Variants in MTO1 observed in about 807,000 individuals in gnomAD.
The protein encoded by MTO1 is mitochondrial tRNA translation optimization 1, also known as 5-taurinomethyluridine-[tRNA] synthase subunit MTO1, mitochondrial.
MTO1 carries 46 observed loss-of-function variants against 71.6 expected under a neutral mutation model. That is an observed-to-expected ratio of 0.64 (90% CI 0.51 to 0.82). MTO1 has a LOEUF of 0.82. Among genes scored for constraint, MTO1 ranks in the 40% least tolerant of loss-of-function variants. MTO1 has a pLI of 0.00. For missense variants in MTO1, 773 were observed against 867.5 expected (o/e 0.89, Z 1.37); for synonymous variants, 297 against 312.1 (o/e 0.95, Z 0.51).
chr6:73,487,560 T>G (rs1282482938), intron 9 of MTO1: 5 of 150,822 alleles, frequency 3.3e-5, no homozygotes, highest in East Asian at 1.9e-4. Context: ...CTGTGGGTTT[T>G]TTTTTTTTTT....
At chr6:73,468,148 G>A (rs1466103356) in intron 3 of MTO1, among the ~76,000 whole-genome samples, 2 of 151,634 alleles carry the variant, frequency 1.3e-5, no homozygotes, top group African/African-American at 4.8e-5. Flanking sequence ...GACAGAGTCT[G>A]GCTCTGTTGC....
At position 73,497,601 on chromosome 6, in the gene MTO1, C is replaced by T. The variant is rs1772024840; in HGVS notation, c.1757-135C>T. ...ATGTAAAAGGGAACACCTACCCAAC[C>T]CATCTCATGAAATGAGTGTTGAATG... On this transcript the variant is annotated intron_variant, in intron 10 of 11. Coordinates refer to ENST00000498286, the MANE Select transcript of MTO1 (RefSeq NM_012123.4). The T allele has an allele frequency of 5.0e-6, 4 of 802,110 alleles. No individual in the cohort carries two copies. The East Asian group carries it at 7.9e-5, about 16-fold the overall frequency. 49.7% of individuals were successfully genotyped at this position (802,110 alleles called of 1,614,324 possible).
At chr6:73,480,226 A>G (rs1771448537) in intron 6 of MTO1, 100 bp downstream of exon 6, 1 of 1,154,864 alleles carries the variant, frequency 8.7e-7, no homozygotes, top group South Asian at 1.3e-5. Context: ...GAGCCTCAGA[A>G]GATGAAGCCC....
At chr6:73,464,354 A>G (rs1263003819) in intron 1 of MTO1, among the ~76,000 whole-genome samples, 2 of 152,156 alleles carry the variant, frequency 1.3e-5, no homozygotes, top group African/African-American at 4.8e-5. Flanking sequence ...GTAACTTGCC[A>G]TGATCACAGA....
At position 73,465,469 on chromosome 6, in the gene MTO1, T is replaced by TTTTA. The variant is rs1489375456; in HGVS notation, c.218-724_218-721dup. ...GTGAGCCACCACACCCGGCCCTGTT[T>TTTTA]TTTATTTATTTATTTATTTTTGTCC... is the stretch of plus-strand genomic sequence containing the variant. On this transcript the variant is annotated intron_variant, in intron 1 of 11. Coordinates refer to ENST00000498286, the MANE Select transcript of MTO1 (RefSeq NM_012123.4). Among the ~76,000 whole-genome samples the TTTTA allele has an allele frequency of 4.6e-5, 7 of 151,892 alleles. 1 individual carries two copies. The South Asian group carries it at 1.5e-3, about 32-fold the overall frequency.
chr6:73,486,607 C>G (rs1317294385), intron 9 of MTO1: 1 of 433,284 alleles, frequency 2.3e-6, no homozygotes, highest in Non-Finnish European at 4.6e-6. Context: ...GGCGTGGTGG[C>G]AGACATCTTA....
rs186929122 is a variant in MTO1, at chr6:73,491,307, G to A, written c.1638-927G>A. ...CAGACAGAATATTTATGAACCAGCCGGGCACAGTAGCTCACTCATGTAATC... is the reference window on the plus strand; with the variant it reads ...CAGACAGAATATTTATGAACCAGCCAGGCACAGTAGCTCACTCATGTAATC... On this transcript the variant is annotated intron_variant, in intron 9 of 11. Transcript: ENST00000498286. Among the ~76,000 whole-genome samples, 221 of 151,202 alleles carry A rather than the reference G, an allele frequency of 1.5e-3. 2 individuals carry two copies. Among genetic ancestry groups the A allele is most frequent in the Non-Finnish European group, 2.0e-3 (136 of 67,880 alleles).
At chr6:73,486,880 C>G (rs12527011) in intron 9 of MTO1, 22,615 of 164,020 alleles carry the variant, frequency 0.14, 1,977 homozygotes, top group East Asian at 0.2. Flanking sequence ...TCCTTTGAAC[C>G]CAGGAGGTCG....
At chr6:73,467,431 A>G (rs1771031182) in intron 3 of MTO1, among the ~76,000 whole-genome samples, 1 of 152,076 alleles carries the variant, frequency 6.6e-6, no homozygotes, top group African/African-American at 2.4e-5. Context: ...CCTGAACAAC[A>G]TGGAGAAACA....
rs562758798 is a variant in MTO1 at position 73,509,074 on chromosome 6, A to T, written c.*8339A>T. 2.0e-5 allele frequency: 3 copies of T among 152,348 alleles called. No homozygotes were observed. Among genetic ancestry groups the T allele is most frequent in the Non-Finnish European group, 2.9e-5 (2 of 68,024 alleles). The allele number at this position is 152,348 out of a possible 1,614,324, so 9.4% of individuals were successfully genotyped here. ...ACATGGTAACTTGGTTTATCCCAAC[A>T]CCAACTAGGATATTCCCTCAATCAC... On this transcript the variant is annotated 3_prime_UTR_variant, in exon 12 of 12. Transcript: ENST00000498286.
intron 9 of MTO1, chr6:73,486,642 G>T (rs967763524): frequency 2.3e-6 from 1 of 427,578 alleles, no homozygotes; most frequent in Non-Finnish European, 4.7e-6. Context: ...GGAGGCAGAG[G>T]CAGGAGAATC....
chr6:73,466,587 T>G lies in MTO1; in HGVS notation c.516T>G (p.Arg172=). ...AGCCTGAACACACTGGGAAATGCCGTGTCAGTGGGGTTGTTTTGGGTACGT... is the reference window on the plus strand; with the variant it reads ...AGCCTGAACACACTGGGAAATGCCGGGTCAGTGGGGTTGTTTTGGGTACGT... ...EPEPEHTGKC[R]VSGVVLVDGS... Residue 172 remains arginine (R), a synonymous_variant, in exon 3 of 12, where the codon CGT becomes CGG. Coordinates refer to ENST00000498286, the MANE Select transcript of MTO1 (RefSeq NM_012123.4). 1 of 1,614,046 alleles carries G rather than the reference T, an allele frequency of 6.2e-7. No homozygotes were observed. The highest frequency in any genetic ancestry group is 8.5e-7 in the Non-Finnish European group (1 of 1,179,968).
chr6:73,480,324 G>A, intron 6 of MTO1, 198 bp downstream of exon 6: 1 of 723,288 alleles, frequency 1.4e-6, no homozygotes, highest in Non-Finnish European at 2.4e-6. Flanking sequence ...CCAGGATGGA[G>A]TGCAATGGTG....
chr6:73,462,999 C>T (rs965550551), intron 1 of MTO1, among the ~76,000 whole-genome samples: 2 of 151,176 alleles, frequency 1.3e-5, no homozygotes, highest in Non-Finnish European at 2.9e-5. Context: ...TTTGTGATGC[C>T]TTTTGGAAGA....
chr6:73,462,737 A>G, intron 1 of MTO1, among the ~76,000 whole-genome samples: 1 of 152,110 alleles, frequency 6.6e-6, no homozygotes, highest in East Asian at 1.9e-4. Flanking sequence ...CAAAATAATG[A>G]TAATATTAAT....
At chr6:73,490,029 CTG>C (rs1263341363) in intron 9 of MTO1, among the ~76,000 whole-genome samples, 2 of 152,204 alleles carry the variant, frequency 1.3e-5, no homozygotes, top group South Asian at 2.1e-4. Flanking sequence ...TTGCATTTCT[CTG>C]ATGGCCAGTG....
At chr6:73,494,412 C>T (rs1487474519) in intron 10 of MTO1, among the ~76,000 whole-genome samples, 1 of 151,676 alleles carries the variant, frequency 6.6e-6, no homozygotes, top group Admixed American at 6.6e-5. Context: ...AGACTATGCT[C>T]TTTGGGAACC....
intron 6 of MTO1, 63 bp from the exon 7 acceptor site, chr6:73,480,612 A>T (rs995983590): frequency 4.4e-6 from 7 of 1,587,666 alleles, no homozygotes; most frequent in Non-Finnish European, 6.0e-6. Context: ...TAATGCTTGC[A>T]TCTCTACCTT....
At chr6:73,497,095 A>G (rs957842958) in intron 10 of MTO1, among the ~76,000 whole-genome samples, 2 of 150,208 alleles carry the variant, frequency 1.3e-5, no homozygotes, top group African/African-American at 2.4e-5. Flanking sequence ...ATAAAATTCA[A>G]CCTCACAGCC....
Sources: allele counts gnomAD v4.1 joint callset (sites outside exome capture counted in the v4.1 genomes callset), GRCh38; gene constraint gnomAD v4.1.1; transcripts MANE v1.5; gene names NCBI Gene and HGNC (gene_info 2026-07-23, HGNC 2026-07-21).